RBFOX1: variants seen among roughly 807,000 people sequenced by gnomAD.
RBFOX1 encodes RNA binding protein fox-1 homolog 1.
A neutral mutation model predicts 57.7 loss-of-function variants in RBFOX1; 8 were observed. That is an observed-to-expected ratio of 0.14 (90% CI 0.08 to 0.25). The LOEUF is 0.25. RBFOX1 is among the 10% of genes least tolerant of loss of function. The pLI, the probability that RBFOX1 is intolerant of heterozygous loss-of-function variation, is 1.00. For synonymous variants in RBFOX1, 326 were observed against 222.4 expected (o/e 1.47, Z -4.15); for missense variants, 611 against 548.5 (o/e 1.11, Z -1.14).
chr16:7,629,985 G>A (rs958785235), intron 10 of RBFOX1, among the ~76,000 whole-genome samples: 2 of 152,130 alleles, frequency 1.3e-5, no homozygotes, highest in Non-Finnish European at 2.9e-5. Context: ...TTCTTTCTCC[G>A]CCTTACTTCT....
intron 14 of RBFOX1, among the ~76,000 whole-genome samples, chr16:7,689,871 T>C (rs1488827515): frequency 6.6e-6 from 1 of 152,094 alleles, no homozygotes; most frequent in Non-Finnish European, 1.5e-5. Flanking sequence ...AGTCAACTCT[T>C]AGAAGGCATC....
At chr16:5,548,170 A>AT (rs1317008346) in intron 2 of RBFOX1, among the ~76,000 whole-genome samples, 145 of 40,600 alleles carry the variant, frequency 3.6e-3, no homozygotes, top group African/African-American at 5.9e-3. Context: ...AAAAAAAAAA[A>AT]AAAAATATAT....
chr16:6,882,984 G>A (rs2063267130), intron 3 of RBFOX1, among the ~76,000 whole-genome samples: 1 of 152,136 alleles, frequency 6.6e-6, no homozygotes, highest in South Asian at 2.1e-4. Context: ...CATTTCTAAA[G>A]GTGAGATTGT....
chr16:7,106,663 A>G, intron 4 of RBFOX1, among the ~76,000 whole-genome samples: 1 of 152,078 alleles, frequency 6.6e-6, no homozygotes, highest in South Asian at 2.1e-4. Flanking sequence ...GATTTAATTC[A>G]AACATTGTGG....
intron 2 of RBFOX1, among the ~76,000 whole-genome samples, chr16:6,625,441 A>C (rs1448250411): frequency 1.3e-5 from 2 of 152,184 alleles, no homozygotes; most frequent in African/African-American, 4.8e-5. Context: ...TCTTGTAGCT[A>C]AATCCTCAGT....
intron 4 of RBFOX1, among the ~76,000 whole-genome samples, chr16:5,991,487 C>T (rs1183379422): frequency 6.6e-6 from 1 of 152,118 alleles, no homozygotes. Flanking sequence ...ATTAATATCT[C>T]TGGAGACCTT....
chr16:6,559,209 A>G (rs1353516473), intron 2 of RBFOX1, among the ~76,000 whole-genome samples: 2 of 151,936 alleles, frequency 1.3e-5, no homozygotes, highest in Non-Finnish European at 2.9e-5. Context: ...ACATAGTCAC[A>G]TGTCATGTCA....
rs562324246 is a variant in RBFOX1, at chr16:6,156,246, G to A, written c.-127+136254G>A. Among the ~76,000 whole-genome samples, 148 of 152,244 alleles carry A rather than the reference G, an allele frequency of 9.7e-4. 1 individual carries two copies. Among genetic ancestry groups the A allele is most frequent in the African/African-American group, 3.3e-3 (136 of 41,546 alleles). On this transcript the variant is annotated intron_variant, in intron 1 of 15. Transcript: ENST00000550418. ...ATGCAGGAATGTGCAGACACTGTCCGTCACCTTCCTCACAGTTACCTCTCC... is the reference window on the plus strand; with the variant it reads ...ATGCAGGAATGTGCAGACACTGTCCATCACCTTCCTCACAGTTACCTCTCC...
rs528866158 is a variant in RBFOX1 at position 5,348,375 on chromosome 16, C to T, written c.219+108270C>T. Among the ~76,000 whole-genome samples, 7 of 152,298 alleles carry T rather than the reference C, an allele frequency of 4.6e-5. No individual in the cohort carries two copies. The East Asian group carries it at 9.6e-4, about 21-fold the overall frequency. ...ATAGGTGAAAATTAACAAAAACTCA[C>T]TACATACTACCTACTGTGTTAAGAA... On this transcript the variant is annotated intron_variant, in intron 1 of 2. Coordinates refer to the RBFOX1 transcript ENST00000585867.
Position 5,866,434 on chromosome 16 carries a change from G to T in RBFOX1, c.319-869G>T, listed in dbSNP as rs570927160. On this transcript the variant is annotated intron_variant, in intron 3 of 19. Coordinates refer to the RBFOX1 transcript ENST00000641259. ...GGACATAGCTCAGTCCAAGTAGTCA[G>T]ATAGGACAATATGGCTGAGGTTGGC... 6.1e-4 allele frequency among the ~76,000 whole-genome samples: 93 copies of T among 152,338 alleles called. 1 individual carries two copies. The South Asian group carries it at 0.013, about 21-fold the overall frequency.
rs185385194 is a variant in RBFOX1, at chr16:6,852,526, C to G, written c.-16+197876C>G. On this transcript the variant is annotated intron_variant, in intron 3 of 15. Coordinates refer to ENST00000550418, the MANE Select transcript of RBFOX1 (RefSeq NM_018723.4). ...AAGTAGGGAACAATTCCTTGTGTCT[C>G]AGAAATTAACTTTGGCGAGATACAT... Among the ~76,000 whole-genome samples, 513 of 152,312 alleles carry G rather than the reference C, an allele frequency of 3.4e-3. 9 individuals carry two copies. Among genetic ancestry groups the G allele is most frequent in the Non-Finnish European group, 2.1e-3 (145 of 68,036 alleles).
chr16:7,604,677 T>C (rs1164900520), intron 9 of RBFOX1, among the ~76,000 whole-genome samples: 1 of 152,168 alleles, frequency 6.6e-6, no homozygotes, highest in Non-Finnish European at 1.5e-5. Flanking sequence ...ACATGATTTC[T>C]AGGTAGCCTC....
At chr16:7,655,245 A>C (rs1378134968) in intron 12 of RBFOX1, among the ~76,000 whole-genome samples, 1 of 152,246 alleles carries the variant, frequency 6.6e-6, no homozygotes. Context: ...AAGAAATGAG[A>C]GTAGGTAAAA....
At chr16:7,012,343 C>T (rs1016250094) in intron 3 of RBFOX1, among the ~76,000 whole-genome samples, 2 of 152,180 alleles carry the variant, frequency 1.3e-5, no homozygotes, top group African/African-American at 4.8e-5. Context: ...AGACCTGGGA[C>T]TGAATCAGGT....
intron 2 of RBFOX1, among the ~76,000 whole-genome samples, chr16:5,561,946 T>C (rs1382102977): frequency 1.3e-5 from 2 of 152,164 alleles, no homozygotes; most frequent in Admixed American, 1.3e-4. Context: ...GGGCCTCTTT[T>C]CCCCTGTCAT....
chr16:7,538,589 G>A (rs1028000047), intron 5 of RBFOX1, among the ~76,000 whole-genome samples: 2 of 152,174 alleles, frequency 1.3e-5, no homozygotes, highest in African/African-American at 4.8e-5. Flanking sequence ...TTGTAGGAGA[G>A]AGAGATGGAA....
chr16:7,325,867 C>T (rs557549037), intron 4 of RBFOX1, among the ~76,000 whole-genome samples: 1 of 152,270 alleles, frequency 6.6e-6, no homozygotes, highest in East Asian at 1.9e-4. Context: ...TTCTTGCGGT[C>T]CATGCTAGGT....
At chr16:6,165,631 A>G (rs190531684) in intron 1 of RBFOX1, among the ~76,000 whole-genome samples, 1 of 152,334 alleles carries the variant, frequency 6.6e-6, no homozygotes, top group East Asian at 1.9e-4. Context: ...AGTAGCAAAC[A>G]GTTCTGCCTG....
chr16:5,912,625 C>T (rs979725030), intron 4 of RBFOX1, among the ~76,000 whole-genome samples: 1 of 152,152 alleles, frequency 6.6e-6, no homozygotes, highest in Non-Finnish European at 1.5e-5. Context: ...CCAGCCACAA[C>T]CCAGATAAAA....
Sources: gnomAD v4.1 joint callset for allele counts (sites outside exome capture counted in the v4.1 genomes callset) on GRCh38, gnomAD v4.1.1 for gene constraint, MANE v1.5 for transcripts, NCBI Gene and HGNC (gene_info 2026-07-23, HGNC 2026-07-21) for gene names.